SUCLG2: variants seen among roughly 807,000 people sequenced by gnomAD.
SUCLG2 encodes succinate-CoA ligase GDP-forming subunit beta, also known as succinate--CoA ligase [GDP-forming] subunit beta, mitochondrial.
Under a neutral mutation model 47.9 loss-of-function variants are expected in SUCLG2, and 42 were observed. The observed-to-expected ratio is 0.88, with a 90% confidence interval of 0.69 to 1.14. The LOEUF is 1.14. Among genes scored for constraint, SUCLG2 ranks in the 50% most tolerant of loss-of-function variants. The pLI, the probability that SUCLG2 is intolerant of heterozygous loss-of-function variation, is 0.00. For missense variants in SUCLG2, 571 were observed against 525.9 expected, an observed-to-expected ratio of 1.09 and a Z score of -0.84; for synonymous variants, 195 against 197.3, an observed-to-expected ratio of 0.99 and a Z score of 0.10.
intron 4 of SUCLG2, among the ~76,000 whole-genome samples, chr3:67,526,702 G>A (rs898651783): frequency 8.5e-5 from 13 of 152,108 alleles, no homozygotes; most frequent in African/African-American, 1.2e-4. Context: ...CACCAAATGC[G>A]GGCTAGAATG....
chr3:67,380,388 C>T (rs562404357), intron 10 of SUCLG2, among the ~76,000 whole-genome samples: 6 of 152,132 alleles, frequency 3.9e-5, no homozygotes, highest in East Asian at 3.9e-4. Flanking sequence ...AGAAAGGGGA[C>T]GGAGCAGTTT....
intron 9 of SUCLG2, among the ~76,000 whole-genome samples, chr3:67,422,317 C>CA (rs1183460748): frequency 7.3e-5 from 11 of 149,938 alleles, no homozygotes; most frequent in Non-Finnish European, 7.4e-5. Flanking sequence ...ACTAAAAATA[C>CA]AAAAAAAATT....
chr3:67,501,328 ATTCT>A lies in SUCLG2; in HGVS notation c.758-3037_758-3034del, dbSNP rs545293172. 1.8e-3 allele frequency among the ~76,000 whole-genome samples: 272 copies of A among 152,314 alleles called. 1 individual carries two copies. Among genetic ancestry groups the A allele is most frequent in the African/African-American group, 6.0e-3 (249 of 41,568 alleles). ...AGAAAAACTTTAAGGATGTAAAGGG[ATTCT>A]TTCAGACACATATTTGTTACGCCTG... On this transcript the variant is annotated intron_variant, in intron 7 of 10. Coordinates refer to ENST00000307227, the MANE Select transcript of SUCLG2 (RefSeq NM_003848.4).
intron 2 of SUCLG2, among the ~76,000 whole-genome samples, chr3:67,533,592 A>G (rs1334145703): frequency 6.6e-6 from 1 of 152,210 alleles, no homozygotes; most frequent in African/African-American, 2.4e-5. Flanking sequence ...GAAGAGTCAA[A>G]AGGTATTGTG....
chr3:67,646,466 A>G (rs1281829048), intron 1 of SUCLG2, among the ~76,000 whole-genome samples: 2 of 152,068 alleles, frequency 1.3e-5, no homozygotes, highest in African/African-American at 2.4e-5. Flanking sequence ...GTGGTGGTGT[A>G]CACCTGTAAT....
intron 7 of SUCLG2, among the ~76,000 whole-genome samples, chr3:67,503,477 A>G (rs1705555676): frequency 1.3e-5 from 2 of 152,224 alleles, no homozygotes; most frequent in South Asian, 2.1e-4. Flanking sequence ...AAATGGATTG[A>G]TGTCTATGTC....
chr3:67,560,442 T>C (rs1429281112), intron 2 of SUCLG2, among the ~76,000 whole-genome samples: 6 of 152,188 alleles, frequency 3.9e-5, no homozygotes, highest in African/African-American at 1.4e-4. Context: ...ATAGCCATGT[T>C]AGGTAAAGAA....
intron 1 of SUCLG2, among the ~76,000 whole-genome samples, chr3:67,626,772 G>A (rs148813884): frequency 0.034 from 5,133 of 151,988 alleles, 121 homozygotes; most frequent in Middle Eastern, 0.095. Flanking sequence ...AAATTAGCTG[G>A]GCGTGGTGGC....
chr3:67,519,107 A>C (rs901517468), intron 5 of SUCLG2, among the ~76,000 whole-genome samples: 1 of 151,918 alleles, frequency 6.6e-6, no homozygotes, highest in Admixed American at 6.6e-5. Flanking sequence ...GTCTCTGTGT[A>C]GTCTACACAT....
intron 9 of SUCLG2, among the ~76,000 whole-genome samples, chr3:67,457,224 A>G (rs1704207880): frequency 6.6e-6 from 1 of 152,158 alleles, no homozygotes; most frequent in African/African-American, 2.4e-5. Context: ...AGACTCTAGT[A>G]TGGTTCTCCA....
chr3:67,482,347 C>T (rs1175188004), intron 9 of SUCLG2, among the ~76,000 whole-genome samples: 2 of 152,172 alleles, frequency 1.3e-5, no homozygotes, highest in Non-Finnish European at 2.9e-5. Context: ...TAAGGTATTT[C>T]ACACTGTAGG....
In SUCLG2 at chr3:67,408,285, C is replaced by G. The variant is rs1289418613; in HGVS notation, c.1063-7434G>C. Among the ~76,000 whole-genome samples the G allele has an allele frequency of 2.6e-5, 4 of 152,244 alleles. No individual in the cohort carries two copies. The East Asian group carries it at 7.7e-4, about 29-fold the overall frequency. Reference sequence around the variant, plus strand: ...ATAGCTAAAACTGACATGTGAAAAACAGCATTCCTCGAAAGATACCCTCCC... The same window carrying G: ...ATAGCTAAAACTGACATGTGAAAAAGAGCATTCCTCGAAAGATACCCTCCC... On this transcript the variant is annotated intron_variant, in intron 9 of 10. Transcript: ENST00000307227.
intron 1 of SUCLG2, among the ~76,000 whole-genome samples, chr3:67,627,814 G>A (rs993321955): frequency 6.6e-6 from 1 of 152,146 alleles, no homozygotes; most frequent in Non-Finnish European, 1.5e-5. Flanking sequence ...ACCAGCCTTG[G>A]AGCCACTGAA....
intron 6 of SUCLG2, among the ~76,000 whole-genome samples, chr3:67,514,597 CA>C (rs1705891270): frequency 1.3e-5 from 2 of 152,230 alleles, no homozygotes; most frequent in African/African-American, 4.8e-5. Context: ...CAGAAATGAA[CA>C]GTATAGATGA....
intron 10 of SUCLG2, among the ~76,000 whole-genome samples, chr3:67,378,969 C>T (rs1702092750): frequency 6.6e-6 from 1 of 152,094 alleles, no homozygotes; most frequent in Non-Finnish European, 1.5e-5. Context: ...TTGTTTTAGA[C>T]AGAGTCTTGC....
At chr3:67,607,686 C>T (rs752447627) in intron 2 of SUCLG2, among the ~76,000 whole-genome samples, 2 of 152,128 alleles carry the variant, frequency 1.3e-5, no homozygotes, top group Non-Finnish European at 2.9e-5. Flanking sequence ...CCAAATCTCA[C>T]CTTGAATTGT....
chr3:67,619,742 C>T (rs1344152173), intron 1 of SUCLG2, among the ~76,000 whole-genome samples: 1 of 152,154 alleles, frequency 6.6e-6, no homozygotes, highest in Admixed American at 6.5e-5. Context: ...ATGACAAATG[C>T]CCAAAGGAGA....
intron 1 of SUCLG2, among the ~76,000 whole-genome samples, chr3:67,637,428 G>C (rs1328506511): frequency 6.6e-6 from 1 of 152,090 alleles, no homozygotes; most frequent in Non-Finnish European, 1.5e-5. Flanking sequence ...TTTAAAAAAC[G>C]AAAGTACAGT....
chr3:67,595,549 G>A (rs1354261126), intron 2 of SUCLG2, among the ~76,000 whole-genome samples: 3 of 152,132 alleles, frequency 2.0e-5, no homozygotes, highest in Non-Finnish European at 4.4e-5. Context: ...GCGAAGGTAA[G>A]CAACCTCATG....
Sources: allele counts gnomAD v4.1 joint callset (sites outside exome capture counted in the v4.1 genomes callset), GRCh38; gene constraint gnomAD v4.1.1; transcripts MANE v1.5; gene names NCBI Gene and HGNC (gene_info 2026-07-23, HGNC 2026-07-21).